The following GPC6 variants were observed in gnomAD, a reference collection of about 807,000 sequenced individuals.
The protein encoded by GPC6 is glypican-6.
Under a neutral mutation model 55.2 loss-of-function variants are expected in GPC6, and 14 were observed. The observed-to-expected ratio is 0.25, with a 90% CI of 0.17 to 0.40. GPC6 has a LOEUF of 0.40. Among genes scored for constraint, GPC6 ranks in the 10% least tolerant of loss-of-function variants. GPC6 has a pLI of 1.00. For missense variants in GPC6, 641 were observed against 708.5 expected (o/e 0.90, Z 1.08); for synonymous variants, 278 against 259.6 (o/e 1.07, Z -0.68).
intron 3 of GPC6, among the ~76,000 whole-genome samples, chr13:93,986,261 C>A (rs1881026789): frequency 6.6e-6 from 1 of 152,132 alleles, no homozygotes; most frequent in Non-Finnish European, 1.5e-5. Flanking sequence ...TTTTATTTAT[C>A]ATTTAATGAC....
At chr13:93,997,659 TG>T (rs1009204890) in intron 3 of GPC6, among the ~76,000 whole-genome samples, 25 of 152,186 alleles carry the variant, frequency 1.6e-4, no homozygotes, top group Middle Eastern at 3.4e-3. Context: ...GCAATAATTT[TG>T]ATAAAGGAAG....
At chr13:94,368,371 C>T (rs1879379910) in intron 6 of GPC6, among the ~76,000 whole-genome samples, 2 of 152,084 alleles carry the variant, frequency 1.3e-5, no homozygotes, top group Non-Finnish European at 2.9e-5. Flanking sequence ...CAGAACCCTG[C>T]TATCATCCCC....
intron 4 of GPC6, among the ~76,000 whole-genome samples, chr13:94,208,161 G>C (rs755751563): frequency 7.2e-5 from 11 of 152,190 alleles, no homozygotes; most frequent in East Asian, 3.9e-4. Context: ...CAGTTAATTG[G>C]TGTGAAAAAG....
At chr13:94,258,083 CCCA>C (rs1209502163) in intron 4 of GPC6, among the ~76,000 whole-genome samples, 16 of 152,070 alleles carry the variant, frequency 1.1e-4, no homozygotes, top group Non-Finnish European at 2.2e-4. Context: ...TGAAATTTTA[CCCA>C]CCAAGATTAA....
At chr13:94,017,671 T>C (rs1439809759) in intron 3 of GPC6, among the ~76,000 whole-genome samples, 1 of 151,930 alleles carries the variant, frequency 6.6e-6, no homozygotes, top group Non-Finnish European at 1.5e-5. Flanking sequence ...TTTTTATTGT[T>C]GTTGTTCTTG....
chr13:93,743,721 C>G (rs1430502224), intron 2 of GPC6, among the ~76,000 whole-genome samples: 1 of 151,892 alleles, frequency 6.6e-6, no homozygotes, highest in Admixed American at 6.6e-5. Flanking sequence ...TCTAACAGAT[C>G]TTAAGAATTA....
At chr13:94,081,880 A>T (rs1885111053) in intron 4 of GPC6, among the ~76,000 whole-genome samples, 1 of 137,298 alleles carries the variant, frequency 7.3e-6, no homozygotes, top group African/African-American at 2.7e-5. Context: ...CCCCTCTGTC[A>T]CCCAGGCTGG....
intron 2 of GPC6, among the ~76,000 whole-genome samples, chr13:93,767,373 G>A (rs1465301181): frequency 2.0e-5 from 3 of 152,130 alleles, no homozygotes; most frequent in African/African-American, 4.8e-5. Flanking sequence ...GTAGGGGAAA[G>A]ATCAACTTGA....
chr13:93,286,649 G>T (rs1878136664), intron 1 of GPC6, among the ~76,000 whole-genome samples: 1 of 152,162 alleles, frequency 6.6e-6, no homozygotes, highest in South Asian at 2.1e-4. Context: ...TTATCAGAGT[G>T]GTCTGACCGT....
intron 6 of GPC6, among the ~76,000 whole-genome samples, chr13:94,331,518 C>T (rs965923773): frequency 3.3e-5 from 5 of 152,058 alleles, no homozygotes; most frequent in Admixed American, 6.6e-5. Flanking sequence ...TACATGGAGT[C>T]AGGCAGAGGG....
At chr13:94,067,052 A>G (rs987824928) in intron 4 of GPC6, among the ~76,000 whole-genome samples, 3 of 152,218 alleles carry the variant, frequency 2.0e-5, no homozygotes, top group Non-Finnish European at 2.9e-5. Flanking sequence ...TTAAGGCATA[A>G]GCACTTTTAG....
intron 1 of GPC6, among the ~76,000 whole-genome samples, chr13:93,278,599 A>G (rs771096532): frequency 3.3e-5 from 5 of 152,224 alleles, no homozygotes; most frequent in African/African-American, 4.8e-5. Context: ...TGACGTTTTC[A>G]TTCTTATTCA....
At chr13:93,468,109 G>C (rs1456839408) in intron 1 of GPC6, among the ~76,000 whole-genome samples, 1 of 152,122 alleles carries the variant, frequency 6.6e-6, no homozygotes, top group Non-Finnish European at 1.5e-5. Context: ...TTTGGGCTTT[G>C]AATTTTGTGA....
intron 4 of GPC6, among the ~76,000 whole-genome samples, chr13:94,030,864 A>G (rs1330063473): frequency 6.6e-6 from 1 of 152,206 alleles, no homozygotes; most frequent in Non-Finnish European, 1.5e-5. Context: ...AGTCTTTACA[A>G]TGCCACAAAT....
chr13:93,802,239 T>A (rs1225430719), intron 2 of GPC6, among the ~76,000 whole-genome samples: 1 of 152,150 alleles, frequency 6.6e-6, no homozygotes, highest in Non-Finnish European at 1.5e-5. Flanking sequence ...GCAATTTTTT[T>A]CCTGTATTCC....
At chr13:94,267,038 A>G (rs1891840096) in intron 4 of GPC6, among the ~76,000 whole-genome samples, 1 of 152,158 alleles carries the variant, frequency 6.6e-6, no homozygotes, top group Non-Finnish European at 1.5e-5. Context: ...TAAATTTTTT[A>G]CACTATGATG....
At chr13:94,288,565 A>G (rs1874669342) in intron 5 of GPC6, among the ~76,000 whole-genome samples, 1 of 124,046 alleles carries the variant, frequency 8.1e-6, no homozygotes, top group African/African-American at 3.6e-5. Flanking sequence ...CCTTTTGTTT[A>G]CTTGTTCAGC....
intron 1 of GPC6, among the ~76,000 whole-genome samples, chr13:93,283,328 T>A (rs547364784): frequency 6.6e-6 from 1 of 152,092 alleles, no homozygotes; most frequent in East Asian, 1.9e-4. Flanking sequence ...AATTTTGCGG[T>A]TGAGAAAAAC....
chr13:93,239,217 C>T (rs569497284), intron 1 of GPC6, among the ~76,000 whole-genome samples: 2 of 151,986 alleles, frequency 1.3e-5, no homozygotes, highest in Non-Finnish European at 2.9e-5. Context: ...TCCTGGGCTT[C>T]ATGTTGTTGG....
Sources: allele counts gnomAD v4.1 joint callset (sites outside exome capture counted in the v4.1 genomes callset), GRCh38; gene constraint gnomAD v4.1.1; transcripts MANE v1.5; gene names NCBI Gene and HGNC (gene_info 2026-07-23, HGNC 2026-07-21).